The following SEC24A variants were observed in gnomAD, a reference collection of about 807,000 sequenced individuals.
SEC24A encodes the protein SEC24 homolog A, COPII component.
A neutral mutation model predicts 129.4 loss-of-function variants in SEC24A; 93 were observed. The ratio of observed to expected loss-of-function variants is 0.72; its 90% CI spans 0.61 to 0.85. The LOEUF is 0.85. Ranked by LOEUF, SEC24A falls within the 40% of genes least tolerant of loss-of-function variation. The probability of loss-of-function intolerance (pLI) is 0.00; values close to 1 mark genes in which losing one functional copy is unlikely to be tolerated. For synonymous variants in SEC24A, 460 were observed against 467.3 expected (o/e 0.98, Z 0.20); for missense variants, 1,264 against 1,307.4 (o/e 0.97, Z 0.51).
rs754137247 is a variant in SEC24A, at chr5:134,661,219, T to G, written c.198T>G (p.Thr66=). The G allele has an allele frequency of 6.2e-7, 1 of 1,614,162 alleles. No individual in the cohort carries two copies. Among genetic ancestry groups the G allele is most frequent in the Non-Finnish European group, 8.5e-7 (1 of 1,180,020 alleles). Reference sequence around the variant, plus strand: ...ACCCTCATCCAATACCAGCAAAGACTTTGAATCCAGTCTCTGGACAGTCTA... The same window carrying G: ...ACCCTCATCCAATACCAGCAAAGACGTTGAATCCAGTCTCTGGACAGTCTA... ...GSYPHPIPAK[T]LNPVSGQSNY... The change falls in exon 2 of 23, where the codon ACT becomes ACG. Residue 66 remains threonine (T), a synonymous_variant. Transcript: ENST00000398844.
intron 18 of SEC24A, among the ~76,000 whole-genome samples, chr5:134,713,912 C>T (rs1162718599): frequency 2.0e-5 from 3 of 151,010 alleles, no homozygotes; most frequent in African/African-American, 7.3e-5. Context: ...TGTGGTGTCG[C>T]GCACCTGTAA....
intron 21 of SEC24A, among the ~76,000 whole-genome samples, chr5:134,723,285 G>A (rs1056529216): frequency 2.0e-5 from 3 of 152,146 alleles, no homozygotes; most frequent in Middle Eastern, 3.4e-3. Context: ...GGGCAACATG[G>A]CAAAACCCAT....
chr5:134,726,380 C>A lies in SEC24A; in HGVS notation c.*1286C>A, dbSNP rs1752758121. The A allele has an allele frequency of 6.6e-6, 1 of 152,470 alleles. No individual in the cohort carries two copies. Among genetic ancestry groups the A allele is most frequent in the Non-Finnish European group, 1.5e-5 (1 of 67,966 alleles). 9.4% of individuals were successfully genotyped at this position (152,470 alleles called of 1,614,324 possible). A position where few individuals can be genotyped will look rare whatever the true frequency, so the allele number is the denominator to read the frequency against. On this transcript the variant is annotated 3_prime_UTR_variant, in exon 23 of 23. Coordinates refer to ENST00000398844, the MANE Select transcript of SEC24A (RefSeq NM_021982.3). ...TTCTTAAATATGTTCATGTATAATA[C>A]TTGATCAAAATATTTTTGGGTTTTT...
intron 1 of SEC24A, among the ~76,000 whole-genome samples, chr5:134,653,199 A>T (rs977391230): frequency 9.9e-5 from 15 of 152,108 alleles, no homozygotes; most frequent in Non-Finnish European, 2.1e-4. Flanking sequence ...TCAGCCTCCC[A>T]AAGTGCTGGC....
At chr5:134,679,403 A>G (rs1751182744) in intron 7 of SEC24A, among the ~76,000 whole-genome samples, 199 bp from the exon 8 acceptor site, 1 of 152,070 alleles carries the variant, frequency 6.6e-6, no homozygotes. Flanking sequence ...ATGGTCTTGG[A>G]GCAAAATAGT....
chr5:134,650,258 CAG>C (rs1196824098), intron 1 of SEC24A, among the ~76,000 whole-genome samples: 2 of 152,148 alleles, frequency 1.3e-5, no homozygotes, highest in Non-Finnish European at 2.9e-5. Context: ...ATTATGGTAA[CAG>C]ATTATGTACA....
At chr5:134,667,522 G>A (rs1235628527) in intron 3 of SEC24A, among the ~76,000 whole-genome samples, 1 of 151,742 alleles carries the variant, frequency 6.6e-6, no homozygotes, top group African/African-American at 2.4e-5. Context: ...GTGGTGGCAA[G>A]CGACTGTAGT....
intron 1 of SEC24A, among the ~76,000 whole-genome samples, chr5:134,656,251 T>G (rs1244724594): frequency 6.6e-6 from 1 of 151,528 alleles, no homozygotes; most frequent in East Asian, 1.9e-4. Context: ...CCCGGCAAAT[T>G]TTTTGTATTT....
Position 134,649,024 on chromosome 5 carries a change from C to A in SEC24A, c.-53C>A. ...CGCTTTCAGCAGTGGTCTTTCAGCT[C>A]TCTTCTTGTGCGCTGTTGTCGACCC... On this transcript the variant is annotated 5_prime_UTR_variant, in exon 1 of 23. Transcript: ENST00000398844. 7.4e-7 allele frequency: 1 copy of A among 1,346,386 alleles called. No homozygotes were observed. The highest frequency in any genetic ancestry group is 1.2e-5 in the South Asian group (1 of 80,512). 83.4% of individuals were successfully genotyped at this position (1,346,386 alleles called of 1,614,324 possible).
chr5:134,717,795 ATCCCAGCTAC>A (rs796405119), intron 19 of SEC24A, among the ~76,000 whole-genome samples: 47 of 151,954 alleles, frequency 3.1e-4, no homozygotes, highest in African/African-American at 1.1e-3. Context: ...CATGCCTGTA[ATCCCAGCTAC>A]TCGGGAGGCT....
chr5:134,721,191 C>A, intron 21 of SEC24A, 101 bp downstream of exon 21: 1 of 699,708 alleles, frequency 1.4e-6, no homozygotes, highest in Non-Finnish European at 2.5e-6. Flanking sequence ...CAAAATCATA[C>A]CAAAAATTTT....
chr5:134,671,726 A>G (rs1287172832), intron 3 of SEC24A, 83 bp from the exon 4 acceptor site: 9 of 799,976 alleles, frequency 1.1e-5, no homozygotes, highest in Non-Finnish European at 1.7e-5. Context: ...AAAATTATTT[A>G]AAATTTTGGA....
At chr5:134,712,338 C>T (rs1752352567) in intron 18 of SEC24A, among the ~76,000 whole-genome samples, 1 of 151,892 alleles carries the variant, frequency 6.6e-6, no homozygotes, top group Admixed American at 6.6e-5. Context: ...GCAACCTCCA[C>T]CTCCCGGGTT....
intron 1 of SEC24A, among the ~76,000 whole-genome samples, chr5:134,652,712 C>G (rs577753753): frequency 2.0e-5 from 3 of 152,308 alleles, no homozygotes; most frequent in Non-Finnish European, 2.9e-5. Flanking sequence ...CTCAGCTTCC[C>G]GAGTAGCTGG....
chr5:134,718,178 GT>G lies in SEC24A; in HGVS notation c.2970+6del. The G allele has an allele frequency of 6.2e-7, 1 of 1,605,706 alleles. No homozygotes were observed. The highest frequency in any genetic ancestry group is 1.7e-4 in the Middle Eastern group (1 of 6,046). On this transcript the variant is annotated splice_donor_region_variant and intron_variant, in intron 20 of 22. Transcript: ENST00000398844. ...TTCCTCATGGATGCAGGCTCTGTAA[GT>G]AATTTGACTTATCCTGACCCTCACT... is the stretch of plus-strand genomic sequence containing the variant.
intron 18 of SEC24A, among the ~76,000 whole-genome samples, chr5:134,713,130 A>G (rs962963649): frequency 6.6e-6 from 1 of 151,446 alleles, no homozygotes; most frequent in Admixed American, 6.6e-5. Context: ...ACGGGGTTTC[A>G]CCGTGTTAGC....
At position 134,666,887 on chromosome 5, in the gene SEC24A, TG is replaced by T; in HGVS notation, c.633del (p.Pro213LeufsTer9). On this transcript the variant is annotated frameshift_variant, in exon 3 of 23. Coordinates refer to ENST00000398844, the MANE Select transcript of SEC24A (RefSeq NM_021982.3). LOFTEE classifies it high-confidence loss of function. ...PTTFQPGAPHGPPPAGGPPPV... is the reference protein window; with the variant it reads ...PTTFQPGAPHXPPPAGGPPPV... Reference sequence around the variant, plus strand: ...CAACTTTTCAACCAGGAGCTCCTCATGGGCCCCCTCCAGCTGGAGGCCCACC... The same window carrying T: ...CAACTTTTCAACCAGGAGCTCCTCATGGCCCCCTCCAGCTGGAGGCCCACC... The T allele has an allele frequency of 1.9e-6, 3 of 1,611,356 alleles. No homozygotes were observed. The highest frequency in any genetic ancestry group is 1.1e-5 in the South Asian group (1 of 91,000).
chr5:134,670,993 A>AAAAAG (rs762557309), intron 3 of SEC24A, among the ~76,000 whole-genome samples: 1 of 152,070 alleles, frequency 6.6e-6, no homozygotes, highest in Non-Finnish European at 1.5e-5. Context: ...CATCTCAAAA[A>AAAAAG]AAAAGAAAAG....
intron 15 of SEC24A, among the ~76,000 whole-genome samples, chr5:134,699,299 T>TC (rs1374155242): frequency 6.7e-6 from 1 of 148,902 alleles, no homozygotes; most frequent in Non-Finnish European, 1.5e-5. Flanking sequence ...TACCATTTTA[T>TC]CCTTTTTTTT....
Sources: gnomAD v4.1 joint callset for allele counts (sites outside exome capture counted in the v4.1 genomes callset) on GRCh38, gnomAD v4.1.1 for gene constraint, MANE v1.5 for transcripts, NCBI Gene and HGNC (gene_info 2026-07-23, HGNC 2026-07-21) for gene names.